The following PLXDC2 variants were observed in gnomAD, a reference collection of about 807,000 sequenced individuals.
The protein encoded by PLXDC2 is plexin domain-containing protein 2.
A neutral mutation model predicts 68.9 loss-of-function variants in PLXDC2; 40 were observed. That is an observed-to-expected ratio of 0.58 (90% CI 0.45 to 0.76). PLXDC2 has a LOEUF of 0.76. PLXDC2 is among the 30% of genes least tolerant of loss of function. The pLI is 0.00. For missense variants in PLXDC2, 644 were observed against 661.9 expected (o/e 0.97, Z 0.30); for synonymous variants, 243 against 234.2 (o/e 1.04, Z -0.34).
At chr10:20,245,088 T>C (rs1029276356) in intron 12 of PLXDC2, among the ~76,000 whole-genome samples, 4 of 152,194 alleles carry the variant, frequency 2.6e-5, no homozygotes, top group Non-Finnish European at 4.4e-5. Context: ...CACTCTAGCC[T>C]GGGCAACAAG....
intron 1 of PLXDC2, among the ~76,000 whole-genome samples, chr10:19,990,265 A>G (rs754155957): frequency 5.3e-5 from 8 of 152,126 alleles, no homozygotes; most frequent in Non-Finnish European, 1.2e-4. Flanking sequence ...TTTTAGCAAA[A>G]TCCTGGCAAG....
chr10:19,900,973 T>C (rs1326476240), intron 1 of PLXDC2, among the ~76,000 whole-genome samples: 1 of 137,990 alleles, frequency 7.2e-6, no homozygotes. Flanking sequence ...CCATGGTATA[T>C]ATGTGTGATG....
intron 4 of PLXDC2, among the ~76,000 whole-genome samples, chr10:20,070,506 G>T (rs974770092): frequency 6.6e-6 from 1 of 152,124 alleles, no homozygotes; most frequent in Non-Finnish European, 1.5e-5. Flanking sequence ...CAAGAAGTAT[G>T]TCTTTTGACC....
At chr10:20,166,423 A>G (rs1177608109) in intron 7 of PLXDC2, among the ~76,000 whole-genome samples, 1 of 152,154 alleles carries the variant, frequency 6.6e-6, no homozygotes, top group Admixed American at 6.6e-5. Flanking sequence ...GCAAGGATAC[A>G]TGAGTATGTG....
intron 13 of PLXDC2, among the ~76,000 whole-genome samples, chr10:20,271,308 G>C (rs1403358801): frequency 6.6e-6 from 1 of 152,182 alleles, no homozygotes. Context: ...TAACCTTAGA[G>C]AATGCAGTTT....
intron 13 of PLXDC2, among the ~76,000 whole-genome samples, chr10:20,262,238 T>G (rs1161641566): frequency 6.6e-6 from 1 of 152,234 alleles, no homozygotes; most frequent in East Asian, 1.9e-4. Flanking sequence ...CACCAAGGCC[T>G]TCAGTCTTCA....
chr10:20,182,189 T>C lies in PLXDC2; in HGVS notation c.1061+4780T>C, dbSNP rs1017105798. ...CAGCTTTAAAAAGCGTAAATTCCCA[T>C]GTAACCATCACCACATCAAAATACA... On this transcript the variant is annotated intron_variant, in intron 9 of 13. Transcript: ENST00000377252. 5.3e-5 allele frequency among the ~76,000 whole-genome samples: 8 copies of C among 151,896 alleles called. 1 individual carries two copies. Among genetic ancestry groups the C allele is most frequent in the Non-Finnish European group, 5.9e-5 (4 of 67,916 alleles).
chr10:20,263,298 T>A (rs1027337060), intron 13 of PLXDC2, among the ~76,000 whole-genome samples: 1 of 152,174 alleles, frequency 6.6e-6, no homozygotes, highest in Admixed American at 6.5e-5. Context: ...GAGAACTGGC[T>A]AGCCATATCC....
Position 20,025,915 on chromosome 10 carries a change from C to T in PLXDC2, c.325-20954C>T, listed in dbSNP as rs200302829. The stretch of plus-strand genomic sequence containing the variant: ...TTAATTAACTAAATTTATTATATTG[C>T]TGACAATTCTAAGCAATTTGTATTC... On this transcript the variant is annotated intron_variant, in intron 2 of 13. Coordinates refer to ENST00000377252, the MANE Select transcript of PLXDC2 (RefSeq NM_032812.9). Among the ~76,000 whole-genome samples the T allele has an allele frequency of 8.2e-5, 12 of 146,450 alleles. No individual in the cohort carries two copies. In the East Asian group the frequency reaches 2.3e-3, roughly 28 times the overall value.
intron 13 of PLXDC2, among the ~76,000 whole-genome samples, chr10:20,263,156 A>T (rs1351304382): frequency 6.6e-6 from 1 of 152,240 alleles, no homozygotes; most frequent in East Asian, 1.9e-4. Context: ...ATACAAAAAT[A>T]GGCACGCAGA....
rs956953839 is a variant in PLXDC2, at chr10:20,026,611, C to T, written c.325-20258C>T. Among the ~76,000 whole-genome samples the T allele has an allele frequency of 4.6e-5, 7 of 151,956 alleles. No homozygotes were observed. The South Asian group carries it at 8.3e-4, about 18-fold the overall frequency. ...ATTCTAGACCAATTAAATCTGAATC[C>T]GGGCTGCAGTGCAGGATGTGATTCC... is the stretch of plus-strand genomic sequence containing the variant. On this transcript the variant is annotated intron_variant, in intron 2 of 13. Transcript: ENST00000377252.
chr10:20,082,070 A>AAAAAAAAAAAAAAACAAAAAC (rs1554765383), intron 4 of PLXDC2, among the ~76,000 whole-genome samples: 2 of 121,932 alleles, frequency 1.6e-5, no homozygotes, highest in African/African-American at 2.6e-5. Flanking sequence ...AAATCAAAAA[A>AAAAAAAAAAAAAAACAAAAAC]AAAAAACAGG....
At chr10:20,273,573 A>G (rs1261370316) in intron 13 of PLXDC2, among the ~76,000 whole-genome samples, 1 of 152,220 alleles carries the variant, frequency 6.6e-6, no homozygotes, top group Non-Finnish European at 1.5e-5. Flanking sequence ...TATCATATGT[A>G]TATATGTATG....
intron 2 of PLXDC2, among the ~76,000 whole-genome samples, chr10:20,010,245 C>T (rs1332806346): frequency 6.6e-6 from 1 of 152,176 alleles, no homozygotes; most frequent in Non-Finnish European, 1.5e-5. Context: ...TGTTAACCGA[C>T]AGCAAAATCT....
chr10:20,121,990 G>A (rs1177304078), intron 4 of PLXDC2, among the ~76,000 whole-genome samples: 2 of 151,956 alleles, frequency 1.3e-5, no homozygotes, highest in Non-Finnish European at 2.9e-5. Context: ...GGGAGTAGAG[G>A]TATCTTATAC....
rs533431437 is a variant in PLXDC2, at chr10:20,134,835, G to T, written c.542-8460G>T. Among the ~76,000 whole-genome samples the T allele has an allele frequency of 2.1e-4, 32 of 152,222 alleles. No homozygotes were observed. In the South Asian group the frequency reaches 6.4e-3, roughly 31 times the overall value. ...GTCTGGAGTCACATGGGCCAGCCTG[G>T]AGCTCAGGTCTCTATGAGCCTGCCT... On this transcript the variant is annotated intron_variant, in intron 4 of 13. Transcript: ENST00000377252.
chr10:19,888,135 T>C (rs1166147714), intron 1 of PLXDC2, among the ~76,000 whole-genome samples: 1 of 152,242 alleles, frequency 6.6e-6, no homozygotes, highest in Non-Finnish European at 1.5e-5. Context: ...AGCTTTCCTT[T>C]CCTACCTTTA....
At chr10:19,998,414 T>G (rs1834876008) in intron 1 of PLXDC2, among the ~76,000 whole-genome samples, 1 of 152,186 alleles carries the variant, frequency 6.6e-6, no homozygotes, top group Non-Finnish European at 1.5e-5. Flanking sequence ...AGTTTCATAC[T>G]TTTCAGTCTT....
intron 2 of PLXDC2, among the ~76,000 whole-genome samples, chr10:20,015,069 G>T (rs1447389754): frequency 1.3e-5 from 2 of 152,176 alleles, no homozygotes; most frequent in Admixed American, 6.5e-5. Flanking sequence ...GGAGTGAGTT[G>T]ACAGCAGGGA....
Sources: gnomAD v4.1 joint callset for allele counts (sites outside exome capture counted in the v4.1 genomes callset) on GRCh38, gnomAD v4.1.1 for gene constraint, MANE v1.5 for transcripts, NCBI Gene and HGNC (gene_info 2026-07-23, HGNC 2026-07-21) for gene names.